The following ANKRD13C variants were observed in gnomAD, a reference collection of about 807,000 sequenced individuals.
ANKRD13C encodes ankyrin repeat domain 13C.
ANKRD13C carries 16 observed loss-of-function variants against 65.5 expected under a neutral mutation model. The observed-to-expected ratio is 0.24, with a 90% confidence interval of 0.17 to 0.37. The LOEUF (loss-of-function observed/expected upper bound fraction) is 0.37, where lower values mean the gene tolerates loss of function less well. ANKRD13C is among the 10% of genes least tolerant of loss of function. The pLI is 1.00. For synonymous variants in ANKRD13C, 235 were observed against 238.7 expected, an observed-to-expected ratio of 0.98 and a Z score of 0.14; for missense variants, 503 against 655.9, an observed-to-expected ratio of 0.77 and a Z score of 2.55.
chr1:70,289,819 C>T (rs908475816), intron 9 of ANKRD13C, among the ~76,000 whole-genome samples: 1 of 152,062 alleles, frequency 6.6e-6, no homozygotes, highest in African/African-American at 2.4e-5. Flanking sequence ...ACCACCAACA[C>T]AACAAAATCA....
chr1:70,265,053 A>C (rs1678552803), intron 12 of ANKRD13C, among the ~76,000 whole-genome samples: 1 of 152,198 alleles, frequency 6.6e-6, no homozygotes, highest in Non-Finnish European at 1.5e-5. Flanking sequence ...GAGGAAGATT[A>C]GCAGGCGATG....
chr1:70,344,394 A>T (rs1682441269), intron 1 of ANKRD13C, among the ~76,000 whole-genome samples: 2 of 151,542 alleles, frequency 1.3e-5, no homozygotes, highest in Admixed American at 1.3e-4. Flanking sequence ...TGAGTGTCGG[A>T]GGTCAAGGCT....
intron 1 of ANKRD13C, among the ~76,000 whole-genome samples, chr1:70,344,175 G>A (rs932316170): frequency 2.0e-5 from 3 of 151,798 alleles, no homozygotes; most frequent in Non-Finnish European, 2.9e-5. Context: ...GCAGGCGCCT[G>A]TAGTCCCAGC....
rs147728210 is a variant in ANKRD13C, at chr1:70,259,017, C to T, written c.*3700G>A. Among the ~76,000 whole-genome samples, 1,097 of 152,162 alleles carry T rather than the reference C, an allele frequency of 7.2e-3. 10 individuals are homozygous for T. Among genetic ancestry groups the T allele is most frequent in the South Asian group, 0.031 (149 of 4,818 alleles). ...CAGCTTGTGGTCTCGGAGCAATAGG[C>T]TTTATTGTATAGTCTAGGTGAGTGG... On this transcript the variant is annotated 3_prime_UTR_variant, in exon 13 of 13. Transcript: ENST00000370944.
chr1:70,343,923 G>A (rs1433673780), intron 1 of ANKRD13C, among the ~76,000 whole-genome samples: 1 of 152,214 alleles, frequency 6.6e-6, no homozygotes, highest in Non-Finnish European at 1.5e-5. Context: ...ACTGAGGCGG[G>A]AGGATTGCTT....
At chr1:70,327,583 T>A (rs545541471) in intron 2 of ANKRD13C, among the ~76,000 whole-genome samples, 7 of 152,188 alleles carry the variant, frequency 4.6e-5, no homozygotes, top group African/African-American at 1.7e-4. Flanking sequence ...CTGGGAACAA[T>A]TGGAGAAATC....
rs1682884455 is a variant in ANKRD13C at position 70,354,129 on chromosome 1, G to A, written c.280C>T (p.Leu94Phe). 6.2e-7 allele frequency: 1 copy of A among 1,613,894 alleles called. No individual in the cohort carries two copies. The highest frequency in any genetic ancestry group is 1.3e-5 in the African/African-American group (1 of 75,058). ...SVTANSQSPA[L>F]LAGTNPVAVV... ...GCAACGGGGTTGGTGCCGGCCAGAA[G>A]GGCCGGGGACTGGGAGTTGGCAGTC... Residue 94 changes from leucine to phenylalanine, a missense_variant, in exon 1 of 13, where the codon CTT (leucine) becomes TTT (phenylalanine). Leu to Phe is a conservative substitution (Grantham distance 22). This residue lies in a region of ANKRD13C where 203 missense variants were observed against 177.6 expected (regional missense o/e 1.14). Coordinates refer to ENST00000370944, the MANE Select transcript of ANKRD13C (RefSeq NM_030816.5).
At chr1:70,334,331 T>A (rs988732756) in intron 2 of ANKRD13C, among the ~76,000 whole-genome samples, 5 of 152,048 alleles carry the variant, frequency 3.3e-5, no homozygotes, top group African/African-American at 1.2e-4. Context: ...GTCTCTAAAA[T>A]AAAAATTATA....
intron 2 of ANKRD13C, among the ~76,000 whole-genome samples, chr1:70,330,868 C>A (rs1681764193): frequency 6.6e-6 from 1 of 152,034 alleles, no homozygotes; most frequent in Non-Finnish European, 1.5e-5. Flanking sequence ...TCTATATCAT[C>A]TCGTAAAACT....
chr1:70,264,852 T>C (rs1678542854), intron 12 of ANKRD13C, among the ~76,000 whole-genome samples: 1 of 152,118 alleles, frequency 6.6e-6, no homozygotes, highest in Non-Finnish European at 1.5e-5. Context: ...AGCTGTTGAA[T>C]AGGGTGGCCA....
In ANKRD13C at chr1:70,262,791, C is replaced by T. The variant is rs779302047; in HGVS notation, c.1552G>A (p.Asp518Asn). Residue 518 changes from aspartate (D) to asparagine (N), a missense_variant, in exon 13 of 13, where the codon GAT becomes AAT. Physicochemically the swap from Asp to Asn is conservative, Grantham distance 23. Transcript: ENST00000370944. The part of the protein sequence containing the change: ...ATVTFQEFRY[D>N]EFDGSIFTIP... ...GTAAAGATGGAGCCATCAAATTCAT[C>T]GTATCGAAACTCCTGAAAAGTCACA... is the stretch of plus-strand genomic sequence containing the variant. The T allele has an allele frequency of 1.4e-5, 22 of 1,613,404 alleles. No individual in the cohort carries two copies. Among genetic ancestry groups the T allele is most frequent in the Admixed American group, 8.3e-5 (5 of 59,970 alleles).
intron 3 of ANKRD13C, among the ~76,000 whole-genome samples, chr1:70,322,494 C>G (rs375104069): frequency 2.0e-5 from 3 of 152,124 alleles, no homozygotes; most frequent in African/African-American, 7.2e-5. Context: ...ACTTTAAGAA[C>G]AGACCTCAAC....
At chr1:70,306,385 T>A in intron 5 of ANKRD13C, 95 bp from the exon 6 acceptor site, 1 of 703,712 alleles carries the variant, frequency 1.4e-6, no homozygotes, top group East Asian at 3.3e-5. Context: ...CATTCTGTTA[T>A]CAAATTATAA....
intron 1 of ANKRD13C, among the ~76,000 whole-genome samples, chr1:70,350,349 AAC>A (rs1682694573): frequency 6.6e-6 from 1 of 152,248 alleles, no homozygotes; most frequent in Non-Finnish European, 1.5e-5. Flanking sequence ...TTACTTATTT[AAC>A]ACACATATAG....
At chr1:70,325,586 A>AAT (rs1681498355) in intron 2 of ANKRD13C, among the ~76,000 whole-genome samples, 1 of 152,208 alleles carries the variant, frequency 6.6e-6, no homozygotes, top group Non-Finnish European at 1.5e-5. Context: ...TTTAATTAAA[A>AAT]ATAAAAAGTT....
At chr1:70,332,231 T>C (rs1296023610) in intron 2 of ANKRD13C, among the ~76,000 whole-genome samples, 1 of 152,234 alleles carries the variant, frequency 6.6e-6, no homozygotes, top group Admixed American at 6.5e-5. Flanking sequence ...CTGACCACTA[T>C]GTCCAACACA....
chr1:70,318,030 T>G (rs893344761), intron 3 of ANKRD13C, among the ~76,000 whole-genome samples: 1 of 152,200 alleles, frequency 6.6e-6, no homozygotes, highest in Non-Finnish European at 1.5e-5. Context: ...TGGCAACCAC[T>G]GTATATAGCA....
At chr1:70,352,795 C>A (rs1333467544) in intron 1 of ANKRD13C, among the ~76,000 whole-genome samples, 2 of 152,190 alleles carry the variant, frequency 1.3e-5, no homozygotes, top group African/African-American at 4.8e-5. Flanking sequence ...CTGGCTGCAA[C>A]TTTAACATAC....
chr1:70,281,399 T>TC (rs1213526591), intron 9 of ANKRD13C, among the ~76,000 whole-genome samples: 1 of 135,258 alleles, frequency 7.4e-6, no homozygotes, highest in Non-Finnish European at 1.5e-5. Flanking sequence ...CTAAATTCTT[T>TC]TTTTTTTTTT....
Sources: allele counts gnomAD v4.1 joint callset (sites outside exome capture counted in the v4.1 genomes callset), GRCh38; gene constraint gnomAD v4.1.1; regional missense constraint gnomAD v4.1.1; transcripts MANE v1.5; gene names NCBI Gene and HGNC (gene_info 2026-07-23, HGNC 2026-07-21).